The following HUWE1 variants were observed in gnomAD, a reference collection of about 807,000 sequenced individuals.
HUWE1 encodes E3 ubiquitin-protein ligase HUWE1.
A neutral mutation model predicts 299.4 loss-of-function variants in HUWE1; 18 were observed. That is an observed-to-expected ratio of 0.06 (90% CI 0.04 to 0.09). HUWE1 has a LOEUF of 0.09. Among genes scored for constraint, HUWE1 ranks in the 10% least tolerant of loss-of-function variants. The probability of loss-of-function intolerance (pLI) is 1.00; values close to 1 mark genes in which losing one functional copy is unlikely to be tolerated. For synonymous variants in HUWE1, 1,317 were observed against 1,286.1 expected, an observed-to-expected ratio of 1.02 and a Z score of -0.51; for missense variants, 1,832 against 3,462.3, an observed-to-expected ratio of 0.53 and a Z score of 11.82.
chrX:53,535,925 T>TG (rs1556912391), intron 80 of HUWE1: 4 of 273,592 alleles, frequency 1.5e-5, no homozygotes. Context: ...TACTGGAGTT[T>TG]TTTTTTTTTT....
rs78904716 is a variant in HUWE1, at chrX:53,602,334, G to GTT, written c.2971+228_2971+229dup. Among the ~76,000 whole-genome samples the GTT allele has an allele frequency of 4.4e-3, 412 of 93,379 alleles. 1 individual carries two copies. The highest frequency in any genetic ancestry group is 0.012 in the Middle Eastern group (2 of 172). The allele number at this position is 93,379 out of a possible 115,157, so 81.1% of individuals were successfully genotyped here. A position where few individuals can be genotyped will look rare whatever the true frequency, so the allele number is the denominator to read the frequency against. On this transcript the variant is annotated intron_variant, in intron 28 of 83. Transcript: ENST00000262854. The stretch of plus-strand genomic sequence containing the variant: ...AAAGACGGGCAGACACTTCCAAAAT[G>GTT]TTTTTTTTTTTTTTTGGTGGCAGAA...
chrX:53,663,172 A>T (rs1557046222), intron 3 of HUWE1, among the ~76,000 whole-genome samples: 3 of 112,306 alleles, frequency 2.7e-5, no homozygotes, highest in African/African-American at 6.5e-5. Context: ...GAGTCAGGGA[A>T]TCAATGGAAA....
chrX:53,610,311 CAGAG>C (rs2065381743), intron 23 of HUWE1, among the ~76,000 whole-genome samples: 1 of 111,748 alleles, frequency 8.9e-6, no homozygotes, highest in African/African-American at 3.3e-5. Flanking sequence ...GGGAGAAGAA[CAGAG>C]AGAAAGCAAA....
At chrX:53,645,885 C>T (rs1325867586) in intron 6 of HUWE1, among the ~76,000 whole-genome samples, 1 of 106,352 alleles carries the variant, frequency 9.4e-6, no homozygotes, top group African/African-American at 3.4e-5. Context: ...TTCAAAATTG[C>T]GCAGGTTTTC....
Position 53,627,879 on chromosome X carries a change from C to G in HUWE1, c.1243G>C (p.Val415Leu). 1 of 1,208,298 alleles carries G rather than the reference C, an allele frequency of 8.3e-7. No homozygotes were observed. Among genetic ancestry groups the G allele is most frequent in the Non-Finnish European group, 1.1e-6 (1 of 892,901 alleles). ...SCGMMEALLK[V>L]IKFLGDEQDQ... ...TGTTCATCGCCAAGAAACTTTATGA[C>G]CTATCACGGAGAAAAAGAGGCAAAA... The change falls in exon 16 of 84, where the codon GTC (valine) becomes CTC (leucine). Residue 415 changes from valine (V) to leucine (L), a missense_variant and splice_region_variant. This residue lies in a region of HUWE1 where 658 missense variants were observed against 1,282.6 expected (regional missense o/e 0.51). Coordinates refer to ENST00000262854, the MANE Select transcript of HUWE1 (RefSeq NM_031407.7).
intron 4 of HUWE1, among the ~76,000 whole-genome samples, chrX:53,649,600 C>T (rs1173301825): frequency 8.9e-6 from 1 of 111,812 alleles, no homozygotes; most frequent in Non-Finnish European, 1.9e-5. Context: ...GCACAAAATC[C>T]TTCCATAAAC....
rs187394835 is a variant in HUWE1 at position 53,554,295 on chromosome X, A to G, written c.8494+338T>C. Among the ~76,000 whole-genome samples, 432 of 110,036 alleles carry G rather than the reference A, an allele frequency of 3.9e-3. 2 individuals are homozygous for G. The highest frequency in any genetic ancestry group is 0.014 in the African/African-American group (420 of 30,256). On this transcript the variant is annotated intron_variant, in intron 61 of 83. Transcript: ENST00000262854. ...GCTGGTCTCAAACTCCTGAGCTCAA[A>G]TGATCCCCCTGCCTCAGCCTCCCAA...
At chrX:53,650,418 G>A (rs1557039303) in intron 4 of HUWE1, among the ~76,000 whole-genome samples, 1 of 111,701 alleles carries the variant, frequency 9.0e-6, no homozygotes, top group Non-Finnish European at 1.9e-5. Flanking sequence ...TGACTCTCTG[G>A]CACAAATATG....
chrX:53,537,224 C>T (rs1248375944), intron 78 of HUWE1: 6 of 295,593 alleles, frequency 2.0e-5, no homozygotes, highest in South Asian at 4.0e-5. Context: ...TGAGCAGTTA[C>T]CAGTTTGGTG....
chrX:53,632,774 C>A (rs782603995), intron 8 of HUWE1, among the ~76,000 whole-genome samples: 2 of 112,112 alleles, frequency 1.8e-5, no homozygotes, highest in East Asian at 5.6e-4. Context: ...ATCAAAAGGA[C>A]AGAGCCCAGA....
intron 27 of HUWE1, among the ~76,000 whole-genome samples, 182 bp from the exon 28 acceptor site, chrX:53,602,840 A>T (rs1410862889): frequency 9.4e-6 from 1 of 106,776 alleles, no homozygotes; most frequent in African/African-American, 3.5e-5. Context: ...AAGCTTTCCA[A>T]TTCTTTTTTT....
Position 53,585,075 on chromosome X carries a change from C to T in HUWE1, c.4938G>A (p.Glu1646=), listed in dbSNP as rs147601175. ...STIDSAWKSG[E]TSVRFTAGRR... Reference sequence around the variant, plus strand: ...GGCCTGCAGTGAATCGCACGCTTGTCTCTCCAGATTTCCAGGCAGAATCAA... The same window carrying T: ...GGCCTGCAGTGAATCGCACGCTTGTTTCTCCAGATTTCCAGGCAGAATCAA... The change falls in exon 40 of 84, where the codon GAG becomes GAA. Residue 1646 remains glutamate (E), a synonymous_variant. Coordinates refer to ENST00000262854, the MANE Select transcript of HUWE1 (RefSeq NM_031407.7). 16 of 1,210,383 alleles carry T rather than the reference C, an allele frequency of 1.3e-5. No individual in the cohort carries two copies. The African/African-American group carries it at 2.6e-4, about 20-fold the overall frequency.
chrX:53,603,576 A>G, intron 26 of HUWE1, 75 bp from the exon 27 acceptor site: 2 of 1,008,009 alleles, frequency 2.0e-6, no homozygotes, highest in Admixed American at 4.5e-5. Context: ...ATTGACCTTC[A>G]ACAGTTTTAT....
chrX:53,644,286 ACT>A (rs2067818985), intron 7 of HUWE1, among the ~76,000 whole-genome samples: 1 of 112,125 alleles, frequency 8.9e-6, no homozygotes, highest in Non-Finnish European at 1.9e-5. Context: ...CTGGTAGGTA[ACT>A]CTAGTTTTCT....
chrX:53,599,133 G>T (rs1556987672), intron 29 of HUWE1, among the ~76,000 whole-genome samples: 1 of 112,155 alleles, frequency 8.9e-6, no homozygotes. Flanking sequence ...TAACCAAAGA[G>T]AAACAGTATA....
At chrX:53,592,104 T>C (rs987512282) in intron 33 of HUWE1, among the ~76,000 whole-genome samples, 17 of 112,288 alleles carry the variant, frequency 1.5e-4, no homozygotes, top group South Asian at 7.4e-4. Context: ...CCATTCTCTT[T>C]ACAGGTTAAC....
At chrX:53,678,649 T>G (rs994433146) in intron 3 of HUWE1, among the ~76,000 whole-genome samples, 4 of 112,246 alleles carry the variant, frequency 3.6e-5, no homozygotes, top group Non-Finnish European at 7.5e-5. Context: ...TGTTTTAGTA[T>G]TGCCATTTCA....
At chrX:53,573,182 T>C (rs1444202501) in intron 47 of HUWE1, among the ~76,000 whole-genome samples, 1 of 111,729 alleles carries the variant, frequency 9.0e-6, no homozygotes, top group African/African-American at 3.3e-5. Flanking sequence ...GGACTTTCAA[T>C]AGAACAAATC....
intron 38 of HUWE1, 104 bp downstream of exon 38, chrX:53,586,678 A>T: frequency 9.2e-7 from 1 of 1,087,358 alleles, no homozygotes; most frequent in Non-Finnish European, 1.3e-6. Flanking sequence ...AAAACTACAG[A>T]AGTACCACAA....
Sources: allele counts gnomAD v4.1 joint callset (sites outside exome capture counted in the v4.1 genomes callset), GRCh38; gene constraint gnomAD v4.1.1; regional missense constraint gnomAD v4.1.1; transcripts MANE v1.5; gene names NCBI Gene and HGNC (gene_info 2026-07-23, HGNC 2026-07-21).